Variants in NXN observed in about 807,000 individuals in gnomAD.
The protein encoded by NXN is nucleoredoxin.
Under a neutral mutation model 48.6 loss-of-function variants are expected in NXN, and 16 were observed. The ratio of observed to expected loss-of-function variants is 0.33; its 90% CI spans 0.22 to 0.50. The LOEUF (loss-of-function observed/expected upper bound fraction) is 0.50, where lower values mean the gene tolerates loss of function less well. Ranked by LOEUF, NXN falls within the 20% of genes least tolerant of loss-of-function variation. The pLI is 0.98. For missense variants in NXN, 492 were observed against 605.5 expected (o/e 0.81, Z 1.97); for synonymous variants, 281 against 269.6 (o/e 1.04, Z -0.41).
chr17:803,997 A>G, intron 6 of NXN, 191 bp from the exon 7 acceptor site: 1 of 672,774 alleles, frequency 1.5e-6, no homozygotes, highest in Non-Finnish European at 2.5e-6. Flanking sequence ...GCGTCCCAGC[A>G]GCAAAGCTCA....
At chr17:804,269 A>G (rs1911363562) in intron 6 of NXN, among the ~76,000 whole-genome samples, 4 of 141,028 alleles carry the variant, frequency 2.8e-5, no homozygotes, top group South Asian at 2.2e-4. Context: ...TGGTCTGGTC[A>G]GCGGCTTTTT....
intron 1 of NXN, among the ~76,000 whole-genome samples, chr17:897,238 C>T (rs923840485): frequency 3.3e-5 from 5 of 152,236 alleles, no homozygotes; most frequent in Admixed American, 2.0e-4. Flanking sequence ...GGGCTGTTCC[C>T]ACCCTCCAGT....
intron 1 of NXN, among the ~76,000 whole-genome samples, chr17:878,684 T>A (rs2068248340): frequency 6.6e-6 from 1 of 151,926 alleles, no homozygotes; most frequent in African/African-American, 2.4e-5. Flanking sequence ...GGTGGACTCA[T>A]TAAGGGACTA....
intron 1 of NXN, among the ~76,000 whole-genome samples, chr17:971,757 C>A (rs539709913): frequency 2.0e-5 from 3 of 152,074 alleles, no homozygotes; most frequent in African/African-American, 7.2e-5. Context: ...AAATTCATAG[C>A]GATTTTCCTT....
chr17:850,568 TG>T (rs2067912916), intron 1 of NXN, among the ~76,000 whole-genome samples: 1 of 152,164 alleles, frequency 6.6e-6, no homozygotes, highest in South Asian at 2.1e-4. Flanking sequence ...GGGAAGGTTT[TG>T]CAAGCTCACT....
At position 884,155 on chromosome 17, in the gene NXN, AG is replaced by A. The variant is rs200723857; in HGVS notation, c.361-58078del. ...AGAATGGCATGAACCTGGGAGGCGG[AG>A]CTTGCAGTGAGCTGAGATTGCACCA... On this transcript the variant is annotated intron_variant, in intron 1 of 7. Coordinates refer to ENST00000336868, the MANE Select transcript of NXN (RefSeq NM_022463.5). Among the ~76,000 whole-genome samples, 925 of 152,208 alleles carry A rather than the reference AG, an allele frequency of 6.1e-3. 14 individuals carry two copies. The highest frequency in any genetic ancestry group is 0.021 in the African/African-American group (881 of 41,516).
Position 849,561 on chromosome 17 carries a change from A to G in NXN, c.361-23483T>C, listed in dbSNP as rs1267313124. ...GCTTCCCAACCAGCGTGCTAGGAGC[A>G]GGCTCCAGGAGGGCACCGCACTGGC... On this transcript the variant is annotated intron_variant, in intron 1 of 7. Coordinates refer to ENST00000336868, the MANE Select transcript of NXN (RefSeq NM_022463.5). This position sits in a 1 kb window ranked among gnomAD's most constrained non-coding sequence, Gnocchi z 4.2. Among the ~76,000 whole-genome samples, 1 of 150,938 alleles carries G rather than the reference A, an allele frequency of 6.6e-6. No homozygotes were observed. Among genetic ancestry groups the G allele is most frequent in the Admixed American group, 6.6e-5 (1 of 15,176 alleles).
intron 1 of NXN, among the ~76,000 whole-genome samples, chr17:895,768 A>G (rs1380814358): frequency 5.7e-5 from 2 of 35,154 alleles, no homozygotes; most frequent in East Asian, 3.9e-4. Context: ...CAGTGAGCCG[A>G]GATCGCACCA....
At chr17:952,865 G>A (rs1055617618) in intron 1 of NXN, among the ~76,000 whole-genome samples, 3 of 151,932 alleles carry the variant, frequency 2.0e-5, no homozygotes, top group Non-Finnish European at 4.4e-5. Context: ...CAGGTACCAC[G>A]GACGACAGGT....
At chr17:894,777 G>A (rs1303708973) in intron 1 of NXN, among the ~76,000 whole-genome samples, 2 of 152,136 alleles carry the variant, frequency 1.3e-5, no homozygotes, top group East Asian at 3.9e-4. Context: ...CCAAGAAGAC[G>A]GTCCCCAGTT....
chr17:861,828 T>C lies in NXN; in HGVS notation c.361-35750A>G, dbSNP rs545108123. Reference sequence around the variant, plus strand: ...GAGTGGAAGAACATGAGGGGCTCTTTTTTTGTTTTTTCTTTTAAATTGAGA... The same window carrying C: ...GAGTGGAAGAACATGAGGGGCTCTTCTTTTGTTTTTTCTTTTAAATTGAGA... On this transcript the variant is annotated intron_variant, in intron 1 of 7. Coordinates refer to ENST00000336868, the MANE Select transcript of NXN (RefSeq NM_022463.5). Among the ~76,000 whole-genome samples the C allele has an allele frequency of 2.7e-5, 4 of 149,888 alleles. No homozygotes were observed. In the South Asian group the frequency reaches 8.4e-4, roughly 32 times the overall value.
intron 1 of NXN, among the ~76,000 whole-genome samples, chr17:877,604 C>T (rs1172452100): frequency 6.6e-6 from 1 of 152,152 alleles, no homozygotes; most frequent in African/African-American, 2.4e-5. Context: ...CGGACGCGTA[C>T]ATAAACTATT....
chr17:976,189 C>CT (rs71371601), intron 1 of NXN, among the ~76,000 whole-genome samples: 41,975 of 147,062 alleles, frequency 0.29, 7,116 homozygotes, highest in Non-Finnish European at 0.38. Flanking sequence ...CATTTTTGTC[C>CT]TTTTTTTTTT....
intron 1 of NXN, among the ~76,000 whole-genome samples, chr17:860,949 A>C (rs1226829509): frequency 1.3e-5 from 2 of 152,178 alleles, no homozygotes; most frequent in Non-Finnish European, 2.9e-5. Flanking sequence ...GAAAGTTTGA[A>C]CTTGACTTGT....
At chr17:892,711 T>C (rs2068436541) in intron 1 of NXN, among the ~76,000 whole-genome samples, 1 of 152,208 alleles carries the variant, frequency 6.6e-6, no homozygotes, top group Non-Finnish European at 1.5e-5. Context: ...ATGCCAGTAA[T>C]GCCCGCTTAG....
chr17:812,829 CATGTGTGA>C (rs1567812823), intron 5 of NXN, among the ~76,000 whole-genome samples: 1 of 127,248 alleles, frequency 7.9e-6, no homozygotes, highest in Non-Finnish European at 1.6e-5. Flanking sequence ...TGCGAGTGTG[CATGTGTGA>C]GTGTAGGTGT....
chr17:800,712 C>T lies in NXN; in HGVS notation c.*237G>A. On this transcript the variant is annotated 3_prime_UTR_variant, in exon 8 of 8. Transcript: ENST00000336868. Reference sequence around the variant, plus strand: ...CCATGCAGCCCCGCTCTGGCCGGGCCCCCGGCCATCCCGTGCTCCCAAACA... The same window carrying T: ...CCATGCAGCCCCGCTCTGGCCGGGCTCCCGGCCATCCCGTGCTCCCAAACA... The T allele has an allele frequency of 2.8e-6, 1 of 361,044 alleles. No individual in the cohort carries two copies. The highest frequency in any genetic ancestry group is 4.1e-5 in the East Asian group (1 of 24,654). 22.4% of individuals were successfully genotyped at this position (361,044 alleles called of 1,614,324 possible).
At chr17:944,656 G>A (rs574149726) in intron 1 of NXN, among the ~76,000 whole-genome samples, 60 of 152,318 alleles carry the variant, frequency 3.9e-4, no homozygotes, top group Non-Finnish European at 6.5e-4. Context: ...CAGCCGGTAG[G>A]AGGAGGGCGG....
chr17:919,793 C>T lies in NXN; in HGVS notation c.360+59526G>A, dbSNP rs777644103. Among the ~76,000 whole-genome samples, 9 of 152,218 alleles carry T rather than the reference C, an allele frequency of 5.9e-5. No individual in the cohort carries two copies. Among genetic ancestry groups the T allele is most frequent in the East Asian group, 3.9e-4 (2 of 5,176 alleles). On this transcript the variant is annotated intron_variant, in intron 1 of 7. Transcript: ENST00000336868. This position sits in a 1 kb window ranked among gnomAD's most constrained non-coding sequence, Gnocchi z 5.1. Reference sequence around the variant, plus strand: ...CGGTCCGGCACAAAACACCAGGAAACGCTCTCCCTTCCATCATTCAATCTT... The same window carrying T: ...CGGTCCGGCACAAAACACCAGGAAATGCTCTCCCTTCCATCATTCAATCTT...
Sources: gnomAD v4.1 joint callset for allele counts (sites outside exome capture counted in the v4.1 genomes callset) on GRCh38, gnomAD v4.1.1 for gene constraint, Gnocchi (gnomAD v3.1) non-coding constraint, MANE v1.5 for transcripts, NCBI Gene and HGNC (gene_info 2026-07-23, HGNC 2026-07-21) for gene names.